The following MAGI3 variants were observed in gnomAD, a reference collection of about 807,000 sequenced individuals.
MAGI3 encodes the protein membrane-associated guanylate kinase, WW and PDZ domain-containing protein 3.
MAGI3 carries 43 observed loss-of-function variants against 121.8 expected under a neutral mutation model. That is an observed-to-expected ratio of 0.35 (90% CI 0.28 to 0.46). The LOEUF (loss-of-function observed/expected upper bound fraction) is 0.46, where lower values mean the gene tolerates loss of function less well. Ranked by LOEUF, MAGI3 falls within the 20% of genes least tolerant of loss-of-function variation. MAGI3 has a pLI of 1.00. For missense variants in MAGI3, 1,547 were observed against 1,797.3 expected (o/e 0.86, Z 2.52); for synonymous variants, 553 against 639.3 (o/e 0.86, Z 2.04).
intron 1 of MAGI3, among the ~76,000 whole-genome samples, chr1:113,446,417 A>G (rs1339955304): frequency 9.2e-5 from 14 of 152,256 alleles, no homozygotes; most frequent in Admixed American, 9.2e-4. Context: ...GAATTTAAAC[A>G]TTTTACTACA....
intron 1 of MAGI3, among the ~76,000 whole-genome samples, chr1:113,406,926 G>T (rs1264351144): frequency 2.0e-5 from 3 of 152,132 alleles, no homozygotes; most frequent in African/African-American, 7.2e-5. Flanking sequence ...TGGGAGGCAG[G>T]CATCTGCCCT....
At chr1:113,680,623 G>A (rs910756253) in intron 19 of MAGI3, among the ~76,000 whole-genome samples, 3 of 152,038 alleles carry the variant, frequency 2.0e-5, no homozygotes, top group Non-Finnish European at 2.9e-5. Context: ...CGGGCGTGGT[G>A]GCGGGCGCCT....
intron 1 of MAGI3, among the ~76,000 whole-genome samples, chr1:113,420,171 G>A (rs1459823711): frequency 1.3e-5 from 2 of 152,188 alleles, no homozygotes; most frequent in Admixed American, 6.5e-5. Flanking sequence ...GTTGAATAGA[G>A]GATGAACAAC....
At position 113,653,823 on chromosome 1, in the gene MAGI3, A is replaced by G. The variant is rs1557876265; in HGVS notation, c.2441-7A>G. 1.3e-6 allele frequency: 2 copies of G among 1,588,450 alleles called. No individual in the cohort carries two copies. The highest frequency in any genetic ancestry group is 1.7e-6 in the Non-Finnish European group (2 of 1,170,230). ...AGACATATCAAAACTGATCATGTTT[A>G]TTACAGAAAAACAACCCGAGGACGA... On this transcript the variant is annotated splice_region_variant and splice_polypyrimidine_tract_variant and intron_variant, in intron 14 of 20. Transcript: ENST00000307546.
At chr1:113,410,048 T>G (rs1240150329) in intron 1 of MAGI3, among the ~76,000 whole-genome samples, 2 of 152,188 alleles carry the variant, frequency 1.3e-5, no homozygotes, top group African/African-American at 4.8e-5. Context: ...TCACCACATT[T>G]CTTCAGGCAG....
rs1245082393 is a variant in MAGI3, at chr1:113,422,580, G to A, written c.316+31231G>A. Among the ~76,000 whole-genome samples the A allele has an allele frequency of 4.6e-5, 7 of 152,352 alleles. No homozygotes were observed. The highest frequency in any genetic ancestry group is 1.9e-4 in the East Asian group (1 of 5,184). Reference sequence around the variant, plus strand: ...GCCAGCTGCTGCGGGGCAGGGTGGCGGGGCAGGCAGCTCCCGGCGCTGGCA... The same window carrying A: ...GCCAGCTGCTGCGGGGCAGGGTGGCAGGGCAGGCAGCTCCCGGCGCTGGCA... On this transcript the variant is annotated intron_variant, in intron 1 of 20. Coordinates refer to ENST00000307546, the MANE Select transcript of MAGI3 (RefSeq NM_001142782.2). This position sits in a 1 kb window ranked among gnomAD's most constrained non-coding sequence, Gnocchi z 4.3.
chr1:113,593,562 TAAC>T (rs1462051524), intron 5 of MAGI3, among the ~76,000 whole-genome samples: 2 of 151,998 alleles, frequency 1.3e-5, no homozygotes, highest in African/African-American at 4.8e-5. Flanking sequence ...ATAATAATAA[TAAC>T]AATAACTTTA....
chr1:113,607,952 C>T (rs569141232), intron 6 of MAGI3, among the ~76,000 whole-genome samples: 4 of 152,272 alleles, frequency 2.6e-5, no homozygotes, highest in South Asian at 4.2e-4. Context: ...TGCCAGGAAT[C>T]AGTCTTGTTT....
chr1:113,524,799 G>A (rs1360548482), intron 1 of MAGI3, among the ~76,000 whole-genome samples: 1 of 151,850 alleles, frequency 6.6e-6, no homozygotes, highest in African/African-American at 2.4e-5. Context: ...GTTTTGAAAT[G>A]TGAAGAGATG....
intron 2 of MAGI3, among the ~76,000 whole-genome samples, chr1:113,575,443 G>A (rs925488185): frequency 6.6e-6 from 1 of 152,132 alleles, no homozygotes; most frequent in South Asian, 2.1e-4. Flanking sequence ...CTAATAGTCA[G>A]GCCCCTCTTC....
intron 6 of MAGI3, among the ~76,000 whole-genome samples, chr1:113,609,874 G>A (rs1650012347): frequency 6.6e-6 from 1 of 152,088 alleles, no homozygotes; most frequent in African/African-American, 2.4e-5. Context: ...GGTCTTTCCT[G>A]TATCAAAAAT....
chr1:113,416,023 T>C (rs1652290863), intron 1 of MAGI3, among the ~76,000 whole-genome samples: 1 of 149,582 alleles, frequency 6.7e-6, no homozygotes. Context: ...AATTATGTAA[T>C]TAATGACACA....
At chr1:113,604,800 A>G (rs1368379633) in intron 6 of MAGI3, among the ~76,000 whole-genome samples, 2 of 151,396 alleles carry the variant, frequency 1.3e-5, no homozygotes, top group Non-Finnish European at 2.9e-5. Flanking sequence ...AAGTCGTATA[A>G]TAGACATTGA....
At chr1:113,480,221 C>G (rs1423689113) in intron 1 of MAGI3, among the ~76,000 whole-genome samples, 1 of 152,222 alleles carries the variant, frequency 6.6e-6, no homozygotes, top group Non-Finnish European at 1.5e-5. Context: ...GTAGGCACCT[C>G]TTCCAGTCTT....
chr1:113,509,113 TG>T (rs1280193528), intron 1 of MAGI3, among the ~76,000 whole-genome samples: 4 of 152,118 alleles, frequency 2.6e-5, no homozygotes, highest in Admixed American at 6.6e-5. Flanking sequence ...TATAAGGGTT[TG>T]TTTTTTTGTT....
rs532690911 is a variant in MAGI3 at position 113,564,806 on chromosome 1, T to A, written c.433+15175T>A. ...ACATACGTATTTAGTATTTGAATTTTTCATACCTAAAATTGTAGTTATTTA... is the reference window on the plus strand; with the variant it reads ...ACATACGTATTTAGTATTTGAATTTATCATACCTAAAATTGTAGTTATTTA... On this transcript the variant is annotated intron_variant, in intron 2 of 20. Transcript: ENST00000307546. Among the ~76,000 whole-genome samples, 8 of 152,298 alleles carry A rather than the reference T, an allele frequency of 5.3e-5. No individual in the cohort carries two copies. In the East Asian group the frequency reaches 1.3e-3, roughly 26 times the overall value.
At chr1:113,528,347 A>G (rs1210339429) in intron 1 of MAGI3, among the ~76,000 whole-genome samples, 1 of 147,806 alleles carries the variant, frequency 6.8e-6, no homozygotes, top group Non-Finnish European at 1.5e-5. Context: ...AGAATGTTCT[A>G]AATTCTAAAT....
At chr1:113,601,616 C>T (rs1363836932) in intron 6 of MAGI3, among the ~76,000 whole-genome samples, 15 of 148,536 alleles carry the variant, frequency 1.0e-4, no homozygotes, top group Admixed American at 2.0e-4. Context: ...ACTGTTACAC[C>T]GTTGGTGGGA....
At chr1:113,548,525 T>C (rs1404068467) in intron 1 of MAGI3, among the ~76,000 whole-genome samples, 1 of 152,184 alleles carries the variant, frequency 6.6e-6, no homozygotes, top group Non-Finnish European at 1.5e-5. Flanking sequence ...GACCCTAAGG[T>C]AGGGCCAGTT....
Sources: allele counts gnomAD v4.1 joint callset (sites outside exome capture counted in the v4.1 genomes callset), GRCh38; gene constraint gnomAD v4.1.1; non-coding constraint Gnocchi (gnomAD v3.1); transcripts MANE v1.5; gene names NCBI Gene and HGNC (gene_info 2026-07-23, HGNC 2026-07-21).